The following KIF15 variants were observed in gnomAD, a reference collection of about 807,000 sequenced individuals.
The protein encoded by KIF15 is kinesin-like protein KIF15.
Under a neutral mutation model 190.6 loss-of-function variants are expected in KIF15, and 140 were observed. The ratio of observed to expected loss-of-function variants is 0.73; its 90% confidence interval spans 0.64 to 0.84. KIF15 has a LOEUF of 0.84. KIF15 is among the 40% of genes least tolerant of loss of function. The pLI is 0.00. For synonymous variants in KIF15, 528 were observed against 551.3 expected, an observed-to-expected ratio of 0.96 and a Z score of 0.59; for missense variants, 1,372 against 1,584.4, an observed-to-expected ratio of 0.87 and a Z score of 2.28.
Position 44,786,478 on chromosome 3 carries a change from A to G in KIF15, c.543A>G (p.Ala181=), listed in dbSNP as rs774111080. ...NEQIYDLLDS[A]SAGLYLREHI... The stretch of plus-strand genomic sequence containing the variant: ...AGATATATGATCTACTGGACTCTGC[A>G]TCGGCTGGACTGTACTTAAGGGAGC... The change falls in exon 7 of 35, where the codon GCA becomes GCG. Residue 181 remains alanine, a synonymous_variant. Coordinates refer to ENST00000326047, the MANE Select transcript of KIF15 (RefSeq NM_020242.3). 1 of 1,614,076 alleles carries G rather than the reference A, an allele frequency of 6.2e-7. No homozygotes were observed. The highest frequency in any genetic ancestry group is 1.1e-5 in the South Asian group (1 of 91,068).
chr3:44,862,201 G>A, intron 6 of KIF15: 1 of 893,324 alleles, frequency 1.1e-6, no homozygotes, highest in Non-Finnish European at 1.4e-6. Flanking sequence ...TGCGGGGCCC[G>A]CGGGGCTCTT....
chr3:44,863,260 T>C (rs1289929020), intron 6 of KIF15: 1 of 134,212 alleles, frequency 7.5e-6, no homozygotes, highest in Non-Finnish European at 1.5e-5. Context: ...GTTCAGCTGC[T>C]GAGAAACCAT....
In KIF15 at chr3:44,805,532, A is replaced by T. The variant is rs79119772; in HGVS notation, c.1830-313A>T. ...AAAGATAAATCACATTCATATTATA[A>T]CTAAGATCAATCTTACCCTAAAATA... On this transcript the variant is annotated intron_variant, in intron 15 of 34. Transcript: ENST00000326047. Among the ~76,000 whole-genome samples, 892 of 152,350 alleles carry T rather than the reference A, an allele frequency of 5.9e-3. 5 individuals carry two copies. The highest frequency in any genetic ancestry group is 0.019 in the African/African-American group (810 of 41,564).
rs759660140 is a variant in KIF15 at position 44,775,247 on chromosome 3, T to C, written c.63-7T>C. On this transcript the variant is annotated splice_polypyrimidine_tract_variant and splice_region_variant and intron_variant, in intron 2 of 34. Transcript: ENST00000326047. ...CTGAACTGTTACTTTCTTTTTTTTG[T>C]CTTTAGTAATGAAGGTGATGCCATC... The C allele has an allele frequency of 1.9e-6, 3 of 1,606,630 alleles. No homozygotes were observed. In the Admixed American group the frequency reaches 5.1e-5, roughly 27 times the overall value.
chr3:44,764,249 G>A (rs1401538789), intron 1 of KIF15, among the ~76,000 whole-genome samples: 1 of 152,166 alleles, frequency 6.6e-6, no homozygotes, highest in African/African-American at 2.4e-5. Context: ...AAAGTTCCCT[G>A]TGACCCTTCC....
Position 44,828,224 on chromosome 3 carries a change from TACAGAA to T in KIF15, c.2870_2875del (p.Gln957_Lys958del). 1 of 1,612,772 alleles carries T rather than the reference TACAGAA, an allele frequency of 6.2e-7. No individual in the cohort carries two copies. Among genetic ancestry groups the T allele is most frequent in the Non-Finnish European group, 8.5e-7 (1 of 1,178,904 alleles). The stretch of plus-strand genomic sequence containing the variant: ...TCTTTTTCACCATAGATGGCAAAAG[TACAGAA>T]ACTAGAAGAGAGCTTGCTTGCTACT... On this transcript the variant is annotated inframe_deletion, in exon 24 of 35. Coordinates refer to ENST00000326047, the MANE Select transcript of KIF15 (RefSeq NM_020242.3).
intron 20 of KIF15, among the ~76,000 whole-genome samples, chr3:44,818,123 C>T (rs1708106627): frequency 6.6e-6 from 1 of 152,186 alleles, no homozygotes; most frequent in South Asian, 2.1e-4. Flanking sequence ...AGTTGCTTAT[C>T]AGCTTAAGGA....
intron 7 of KIF15, among the ~76,000 whole-genome samples, chr3:44,792,510 A>G (rs1575599493): frequency 4.6e-5 from 7 of 152,066 alleles, no homozygotes; most frequent in Admixed American, 6.5e-5. Flanking sequence ...TTTCAGTTTT[A>G]TACTGTTGCT....
intron 7 of KIF15, among the ~76,000 whole-genome samples, chr3:44,793,660 A>C (rs1706827909): frequency 6.6e-6 from 1 of 152,196 alleles, no homozygotes; most frequent in South Asian, 2.1e-4. Flanking sequence ...ACTTGGGATA[A>C]TATAATTTAT....
intron 27 of KIF15, 101 bp from the exon 28 acceptor site, chr3:44,840,254 G>A: frequency 3.1e-6 from 2 of 650,968 alleles, no homozygotes; most frequent in East Asian, 2.9e-5. Flanking sequence ...GTTTTCATTT[G>A]CATTTCCCTG....
At position 44,778,139 on chromosome 3, in the gene KIF15, A is replaced by G. The variant is rs771841828; in HGVS notation, c.271A>G (p.Lys91Glu). 1 of 1,613,796 alleles carries G rather than the reference A, an allele frequency of 6.2e-7. No homozygotes were observed. Among genetic ancestry groups the G allele is most frequent in the African/African-American group, 1.3e-5 (1 of 75,068 alleles). ...TQESVFATVAKSIVESCMSGY... is the reference protein window; with the variant it reads ...TQESVFATVAESIVESCMSGY... The stretch of plus-strand genomic sequence containing the variant: ...GGAATCTGTATTCGCAACTGTGGCT[A>G]AAAGCATTGTGGAGTCTTGCATGAG... Residue 91 changes from lysine to glutamate, a missense_variant, in exon 4 of 35, where the codon AAA (lysine) becomes GAA (glutamate). Transcript: ENST00000326047.
intron 1 of KIF15, among the ~76,000 whole-genome samples, chr3:44,774,021 C>A (rs1340730377): frequency 6.6e-6 from 1 of 152,224 alleles, no homozygotes; most frequent in African/African-American, 2.4e-5. Context: ...CCTAGTGGTT[C>A]CACCCCATTC....
rs201701864 is a variant in KIF15 at position 44,826,425 on chromosome 3, A to G, written c.2751A>G (p.Ser917=). 9.1e-5 allele frequency: 146 copies of G among 1,613,048 alleles called. No homozygotes were observed. Among genetic ancestry groups the G allele is most frequent in the Non-Finnish European group, 1.1e-4 (135 of 1,179,438 alleles). The change falls in exon 22 of 35, where the codon TCA becomes TCG. Residue 917 remains serine, a synonymous_variant. Transcript: ENST00000326047. The stretch of plus-strand genomic sequence containing the variant: ...AAAAAGAACGCAATAACAAATTATC[A>G]TTACAGTTTGAAGAAGATAAAGAAA... ...EAEKERNNKL[S]LQFEEDKENS... is the part of the protein sequence containing the mutation.
chr3:44,829,052 T>C (rs1400699099), intron 24 of KIF15, among the ~76,000 whole-genome samples: 1 of 148,418 alleles, frequency 6.7e-6, no homozygotes, highest in Admixed American at 6.8e-5. Context: ...AAAAAAATTA[T>C]AAAGCCATTA....
At chr3:44,769,138 A>T (rs1705536929) in intron 1 of KIF15, among the ~76,000 whole-genome samples, 1 of 152,212 alleles carries the variant, frequency 6.6e-6, no homozygotes, top group Non-Finnish European at 1.5e-5. Context: ...GGATGGATCC[A>T]AGGGGAGTGT....
intron 31 of KIF15, among the ~76,000 whole-genome samples, chr3:44,848,266 C>T (rs1285620326): frequency 6.6e-6 from 1 of 152,254 alleles, no homozygotes; most frequent in Non-Finnish European, 1.5e-5. Flanking sequence ...AAGCCTACTG[C>T]TCAGCATGCA....
At chr3:44,805,277 T>C in intron 15 of KIF15, 109 bp downstream of exon 15, 3 of 1,035,946 alleles carry the variant, frequency 2.9e-6, no homozygotes, top group Non-Finnish European at 4.2e-6. Flanking sequence ...TATTAAACTC[T>C]CATAGCAGCA....
chr3:44,829,225 C>T (rs1334453195), intron 24 of KIF15, among the ~76,000 whole-genome samples: 1 of 150,438 alleles, frequency 6.6e-6, no homozygotes, highest in East Asian at 2.0e-4. Context: ...GGCATGGTGG[C>T]AGGTGCCTGT....
chr3:44,781,052 C>A, intron 5 of KIF15, 130 bp downstream of exon 5: 2 of 699,584 alleles, frequency 2.9e-6, no homozygotes, highest in Non-Finnish European at 4.8e-6. Flanking sequence ...ATTCCCTAGG[C>A]TTCTGCCAAG....
Sources: allele counts gnomAD v4.1 joint callset (sites outside exome capture counted in the v4.1 genomes callset), GRCh38; gene constraint gnomAD v4.1.1; transcripts MANE v1.5; gene names NCBI Gene and HGNC (gene_info 2026-07-23, HGNC 2026-07-21).